The following EMID1 variants were observed in gnomAD, a reference collection of about 807,000 sequenced individuals.
EMID1 encodes EMI domain-containing protein 1.
A neutral mutation model predicts 60.6 loss-of-function variants in EMID1; 40 were observed. The ratio of observed to expected loss-of-function variants is 0.66; its 90% CI spans 0.51 to 0.86. The LOEUF is 0.86. EMID1 is among the 40% of genes least tolerant of loss of function. The pLI is 0.00. For missense variants in EMID1, 585 were observed against 597.1 expected, an observed-to-expected ratio of 0.98 and a Z score of 0.21; for synonymous variants, 242 against 231.0, an observed-to-expected ratio of 1.05 and a Z score of -0.43.
chr22:29,231,625 A>G lies in EMID1; in HGVS notation c.619A>G (p.Thr207Ala). ...CGGTGCTTGGGGGCTTCCCGGGCCC[A>G]CCGGCCCCAAGGGAGATGCCGGCAG... ...QVGAWGLPGP[T>A]GPKGDAGSRG... Residue 207 changes from threonine to alanine, a missense_variant, in exon 7 of 15, where the codon ACC becomes GCC. Thr to Ala is a moderately conservative substitution (Grantham distance 58, BLOSUM62 0). Coordinates refer to ENST00000334018, the MANE Select transcript of EMID1 (RefSeq NM_133455.4). The G allele has an allele frequency of 6.6e-7, 1 of 1,515,472 alleles. No individual in the cohort carries two copies. The highest frequency in any genetic ancestry group is 8.9e-7 in the Non-Finnish European group (1 of 1,128,088). The allele number at this position is 1,515,472 out of a possible 1,614,324, so 93.9% of individuals were successfully genotyped here.
At chr22:29,232,222 T>C (rs767177130) in intron 7 of EMID1, 34 bp from the exon 8 acceptor site, 7 of 1,611,050 alleles carry the variant, frequency 4.3e-6, no homozygotes, top group Non-Finnish European at 5.1e-6. Context: ...CCTTGCCTCC[T>C]GTATACCCAC....
At chr22:29,233,506 G>A in intron 9 of EMID1, 38 bp downstream of exon 9, 1 of 1,610,590 alleles carries the variant, frequency 6.2e-7, no homozygotes. Context: ...GGGTGAAGTT[G>A]GTAGATGGCA....
rs545477680 is a variant in EMID1, at chr22:29,226,415, C to T, written c.404-75C>T. ...TATCTGACGCTTTCCTCCATCCCAACCCCCAGAGACTGAAGGGTTCTGAGG... is the reference window on the plus strand; with the variant it reads ...TATCTGACGCTTTCCTCCATCCCAATCCCCAGAGACTGAAGGGTTCTGAGG... On this transcript the variant is annotated intron_variant, in intron 4 of 14. Coordinates refer to ENST00000334018, the MANE Select transcript of EMID1 (RefSeq NM_133455.4). 1.6e-4 allele frequency: 247 copies of T among 1,517,498 alleles called. No individual in the cohort carries two copies. In the East Asian group the frequency reaches 5.7e-3, roughly 35 times the overall value. The allele number at this position is 1,517,498 out of a possible 1,614,324, so 94.0% of individuals were successfully genotyped here.
chr22:29,232,567 G>T (rs1393956779), intron 8 of EMID1, 165 bp downstream of exon 8: 49 of 790,600 alleles, frequency 6.2e-5, no homozygotes, highest in Non-Finnish European at 7.1e-5. Flanking sequence ...GTGGTTACAG[G>T]TGAGGAACAC....
chr22:29,214,333 A>G (rs1047494572), intron 1 of EMID1, among the ~76,000 whole-genome samples: 30 of 152,260 alleles, frequency 2.0e-4, no homozygotes, highest in Admixed American at 1.2e-3. Context: ...GGAATAGGCC[A>G]TGTCACATCT....
chr22:29,255,323 C>T, intron 14 of EMID1: 1 of 1,524,548 alleles, frequency 6.6e-7, no homozygotes. Flanking sequence ...GAGCTCCTGG[C>T]CAGACGGGTC....
intron 4 of EMID1, 79 bp downstream of exon 4, chr22:29,225,295 T>C: frequency 6.9e-7 from 1 of 1,450,260 alleles, no homozygotes; most frequent in Non-Finnish European, 9.5e-7. Flanking sequence ...TTGGTAACTG[T>C]CCTAAAAGCC....
intron 13 of EMID1, among the ~76,000 whole-genome samples, chr22:29,247,150 T>C (rs1168473390): frequency 2.0e-5 from 3 of 150,900 alleles, no homozygotes; most frequent in Admixed American, 6.6e-5. Flanking sequence ...TTTGTATTTT[T>C]AGTAGAGATG....
chr22:29,230,317 A>G (rs1358488125), intron 5 of EMID1, among the ~76,000 whole-genome samples: 3 of 149,498 alleles, frequency 2.0e-5, no homozygotes, highest in Non-Finnish European at 4.4e-5. Context: ...TGGGCAACAG[A>G]GCAAGGCTCT....
Position 29,259,103 on chromosome 22 carries a change from A to G in EMID1, c.*159A>G. ...GTAAGCAGGTCTCAGTCCTGGCACC[A>G]TGCACATGTCTGAGGCTGAGCAAGG... On this transcript the variant is annotated 3_prime_UTR_variant, in exon 15 of 15. Coordinates refer to ENST00000334018, the MANE Select transcript of EMID1 (RefSeq NM_133455.4). 1.7e-6 allele frequency: 2 copies of G among 1,148,976 alleles called. No homozygotes were observed. The highest frequency in any genetic ancestry group is 2.4e-6 in the Non-Finnish European group (2 of 833,388). The allele number at this position is 1,148,976 out of a possible 1,614,324, so 71.2% of individuals were successfully genotyped here. A position where few individuals can be genotyped will look rare whatever the true frequency, so the allele number is the denominator to read the frequency against.
Position 29,231,602 on chromosome 22 carries a change from G to T in EMID1, c.596G>T (p.Gly199Val), listed in dbSNP as rs767080669. Residue 199 changes from glycine to valine, a missense_variant, in exon 7 of 15, where the codon GGT becomes GTT. Transcript: ENST00000334018. The stretch of plus-strand genomic sequence containing the variant: ...ATGCTTTACCCCCCAGACCAAGTCG[G>T]TGCTTGGGGGCTTCCCGGGCCCACC... ...PGDGGLQDQV[G>V]AWGLPGPTGP... 1.2e-5 allele frequency: 19 copies of T among 1,535,358 alleles called. No homozygotes were observed. Among genetic ancestry groups the T allele is most frequent in the Non-Finnish European group, 1.7e-5 (19 of 1,138,016 alleles).
chr22:29,247,207 G>A (rs976381744), intron 13 of EMID1, among the ~76,000 whole-genome samples: 1 of 152,146 alleles, frequency 6.6e-6, no homozygotes, highest in Non-Finnish European at 1.5e-5. Flanking sequence ...CAGGCCTCAC[G>A]TGATCCACCC....
At chr22:29,232,215 T>G (rs951601655) in intron 7 of EMID1, 41 bp from the exon 8 acceptor site, 2 of 1,610,714 alleles carry the variant, frequency 1.2e-6, no homozygotes, top group African/African-American at 2.7e-5. Flanking sequence ...TGGGCCTCCT[T>G]GCCTCCTGTA....
chr22:29,208,872 T>G (rs1335705739), intron 1 of EMID1, among the ~76,000 whole-genome samples: 4 of 152,212 alleles, frequency 2.6e-5, no homozygotes, highest in Non-Finnish European at 5.9e-5. Context: ...CTGTTAGCGC[T>G]GTGCTAAGGG....
chr22:29,225,477 C>A (rs1285005141), intron 4 of EMID1, among the ~76,000 whole-genome samples: 1 of 152,230 alleles, frequency 6.6e-6, no homozygotes, highest in Admixed American at 6.5e-5. Flanking sequence ...CCAGTTCAAT[C>A]CCCCATTTCC....
chr22:29,249,023 C>CT (rs1304887916), intron 13 of EMID1, among the ~76,000 whole-genome samples: 1 of 152,082 alleles, frequency 6.6e-6, no homozygotes, highest in African/African-American at 2.4e-5. Context: ...ATTTATAGAT[C>CT]TTTTTTTCAA....
rs929979230 is a variant in EMID1, at chr22:29,239,084, T to C, written c.1075-4361T>C. Among the ~76,000 whole-genome samples the C allele has an allele frequency of 4.2e-5, 6 of 144,134 alleles. 2 individuals are homozygous for C. The highest frequency in any genetic ancestry group is 1.6e-4 in the African/African-American group (6 of 36,372). 94.6% of individuals were successfully genotyped at this position (144,134 alleles called of 152,430 possible). A position where few individuals can be genotyped will look rare whatever the true frequency, so the allele number is the denominator to read the frequency against. ...TTGTAATTGTCCCACAATTCTTGGA[T>C]ATTCTGTTCTATTCTTTCAGCCTTT... On this transcript the variant is annotated intron_variant, in intron 12 of 14. Coordinates refer to ENST00000334018, the MANE Select transcript of EMID1 (RefSeq NM_133455.4).
chr22:29,244,666 AT>A, intron 13 of EMID1, among the ~76,000 whole-genome samples: 1 of 151,186 alleles, frequency 6.6e-6, no homozygotes, highest in Non-Finnish European at 1.5e-5. Context: ...AGAAAAGAAA[AT>A]AGAAACCTTC....
At chr22:29,216,979 C>G (rs2040112422) in intron 3 of EMID1, among the ~76,000 whole-genome samples, 1 of 152,202 alleles carries the variant, frequency 6.6e-6, no homozygotes, top group Non-Finnish European at 1.5e-5. Flanking sequence ...ACCCTCTTGT[C>G]CCTGGTGGGA....
Sources: allele counts gnomAD v4.1 joint callset (sites outside exome capture counted in the v4.1 genomes callset), GRCh38; gene constraint gnomAD v4.1.1; transcripts MANE v1.5; gene names NCBI Gene and HGNC (gene_info 2026-07-23, HGNC 2026-07-21).